Variants in SLC35F2 observed in about 807,000 individuals in gnomAD.
The protein encoded by SLC35F2 is queuine/queuosine transporter SLC35F2.
In SLC35F2, 25 loss-of-function variants were observed where a neutral mutation model predicts 38.1. The observed-to-expected ratio is 0.66, with a 90% CI of 0.48 to 0.92. SLC35F2 has a LOEUF of 0.92. Ranked by LOEUF, SLC35F2 falls within the 40% of genes least tolerant of loss-of-function variation. The probability of loss-of-function intolerance (pLI) is 0.00; values close to 1 mark genes in which losing one functional copy is unlikely to be tolerated. For synonymous variants in SLC35F2, 173 were observed against 181.7 expected (o/e 0.95, Z 0.38); for missense variants, 409 against 452.9 (o/e 0.90, Z 0.88).
In SLC35F2 at chr11:107,791,508, T is replaced by C. The variant is rs1371538987; in HGVS notation, c.*1107A>G. On this transcript the variant is annotated 3_prime_UTR_variant, in exon 8 of 8. Transcript: ENST00000525815. ...CTGAAACTGTGGAGCACATAGCCAG[T>C]GTCACAGGCTCCGAGAGCAGAGAGA... is the stretch of plus-strand genomic sequence containing the variant. The C allele has an allele frequency of 1.3e-5, 2 of 152,158 alleles. No individual in the cohort carries two copies. The allele number at this position is 152,158 out of a possible 1,614,324, so 9.4% of individuals were successfully genotyped here. A position where few individuals can be genotyped will look rare whatever the true frequency, so the allele number is the denominator to read the frequency against.
chr11:107,796,132 GAAAAGA>G (rs1859213745), intron 7 of SLC35F2, among the ~76,000 whole-genome samples: 3 of 151,902 alleles, frequency 2.0e-5, no homozygotes, highest in African/African-American at 7.3e-5. Context: ...TCCATCTCAA[GAAAAGA>G]AAAAGAAAAG....
rs1859378222 is a variant in SLC35F2 at position 107,805,593 on chromosome 11, G to A, written c.575-78C>T. The A allele has an allele frequency of 2.0e-6, 3 of 1,513,028 alleles. No individual in the cohort carries two copies. The African/African-American group carries it at 4.2e-5, about 21-fold the overall frequency. The allele number at this position is 1,513,028 out of a possible 1,614,324, so 93.7% of individuals were successfully genotyped here. On this transcript the variant is annotated intron_variant, in intron 4 of 7. Coordinates refer to ENST00000525815, the MANE Select transcript of SLC35F2 (RefSeq NM_017515.5). ...ACAGCGTGCCTCCAGGCGGTCATCT[G>A]ACTCGTGTTCATTTAAATGACACTA...
At chr11:107,827,731 A>G (rs1239964932) in intron 1 of SLC35F2, among the ~76,000 whole-genome samples, 1 of 147,354 alleles carries the variant, frequency 6.8e-6, no homozygotes, top group African/African-American at 2.5e-5. Context: ...CCTGGGCGAC[A>G]GAGCAAGACT....
chr11:107,818,074 A>AG (rs1221481993), intron 1 of SLC35F2, among the ~76,000 whole-genome samples: 10 of 67,616 alleles, frequency 1.5e-4, no homozygotes, highest in African/African-American at 4.6e-4. Context: ...AAAAAAAAAA[A>AG]AGAAAGAAAG....
intron 1 of SLC35F2, among the ~76,000 whole-genome samples, chr11:107,845,839 G>A (rs970305518): frequency 2.6e-5 from 4 of 151,826 alleles, no homozygotes; most frequent in Non-Finnish European, 4.4e-5. Flanking sequence ...TGTAATCCAC[G>A]CTACTCAGGA....
At chr11:107,805,844 T>G (rs1859382421) in intron 4 of SLC35F2, among the ~76,000 whole-genome samples, 1 of 152,210 alleles carries the variant, frequency 6.6e-6, no homozygotes, top group Admixed American at 6.5e-5. Context: ...GCCTGGCTAA[T>G]TTTTGCATTT....
intron 1 of SLC35F2, among the ~76,000 whole-genome samples, chr11:107,829,651 T>C (rs550816677): frequency 1.4e-5 from 2 of 142,886 alleles, no homozygotes; most frequent in Non-Finnish European, 3.0e-5. Flanking sequence ...CTCTTGATGG[T>C]AGTACATAAT....
intron 1 of SLC35F2, among the ~76,000 whole-genome samples, chr11:107,819,594 G>A (rs1233519530): frequency 6.6e-6 from 1 of 152,168 alleles, no homozygotes; most frequent in Non-Finnish European, 1.5e-5. Flanking sequence ...CCTAGACAAA[G>A]GAAATTCACC....
intron 1 of SLC35F2, among the ~76,000 whole-genome samples, chr11:107,850,847 T>C (rs1860170286): frequency 6.7e-6 from 1 of 150,242 alleles, no homozygotes; most frequent in Non-Finnish European, 1.5e-5. Flanking sequence ...CAACTCAAAA[T>C]GTCAAGAAGG....
At chr11:107,826,300 C>T (rs12278904) in intron 1 of SLC35F2, among the ~76,000 whole-genome samples, 8,627 of 145,478 alleles carry the variant, frequency 0.059, 505 homozygotes, top group African/African-American at 0.16. Flanking sequence ...TTTTGAGATG[C>T]AGTTTTGCTC....
intron 1 of SLC35F2, among the ~76,000 whole-genome samples, chr11:107,851,152 A>G (rs181950350): frequency 1.3e-5 from 2 of 152,026 alleles, no homozygotes; most frequent in African/African-American, 4.8e-5. Context: ...AGTCCCAGCT[A>G]CTCAGGAGGC....
At chr11:107,843,465 G>A (rs1326052975) in intron 1 of SLC35F2, among the ~76,000 whole-genome samples, 4 of 151,714 alleles carry the variant, frequency 2.6e-5, no homozygotes, top group East Asian at 3.9e-4. Flanking sequence ...CAGGAGAATC[G>A]CTTGAACCCA....
chr11:107,854,285 C>T (rs1456746639), intron 1 of SLC35F2, among the ~76,000 whole-genome samples: 1 of 129,672 alleles, frequency 7.7e-6, no homozygotes, highest in Non-Finnish European at 1.7e-5. Flanking sequence ...AAAAAAAAAA[C>T]TAGTAGTGCG....
intron 5 of SLC35F2, chr11:107,805,017 A>AT: frequency 2.0e-6 from 2 of 980,636 alleles, no homozygotes; most frequent in South Asian, 9.4e-5. Flanking sequence ...AAAATATGAT[A>AT]TTATGCTTTG....
intron 1 of SLC35F2, among the ~76,000 whole-genome samples, chr11:107,842,856 T>A (rs534373252): frequency 6.6e-6 from 1 of 152,300 alleles, no homozygotes; most frequent in African/African-American, 2.4e-5. Context: ...GAGATCTGCA[T>A]AAGACTGTTT....
chr11:107,848,683 G>A (rs937825529), intron 1 of SLC35F2, among the ~76,000 whole-genome samples: 5 of 152,188 alleles, frequency 3.3e-5, no homozygotes, highest in Non-Finnish European at 7.3e-5. Context: ...TGGCTTGGAA[G>A]TTATCCAGTG....
intron 7 of SLC35F2, among the ~76,000 whole-genome samples, chr11:107,794,277 C>A (rs1237352847): frequency 1.3e-5 from 2 of 151,988 alleles, no homozygotes; most frequent in Non-Finnish European, 2.9e-5. Flanking sequence ...GACGGGGTTT[C>A]ACCATGTTGG....
chr11:107,795,427 C>T (rs1231585261), intron 7 of SLC35F2, among the ~76,000 whole-genome samples: 1 of 152,224 alleles, frequency 6.6e-6, no homozygotes, highest in East Asian at 1.9e-4. Flanking sequence ...TTATGGCTAA[C>T]ATCTCAAAAG....
chr11:107,822,364 G>T (rs1463767549), intron 1 of SLC35F2, among the ~76,000 whole-genome samples: 1 of 152,168 alleles, frequency 6.6e-6, no homozygotes, highest in Non-Finnish European at 1.5e-5. Flanking sequence ...TTATGTACCT[G>T]ATTTCCAATG....
Sources: gnomAD v4.1 joint callset for allele counts (sites outside exome capture counted in the v4.1 genomes callset) on GRCh38, gnomAD v4.1.1 for gene constraint, MANE v1.5 for transcripts, NCBI Gene and HGNC (gene_info 2026-07-23, HGNC 2026-07-21) for gene names.